Variants in GFRA3 observed in about 807,000 individuals in gnomAD.
The protein encoded by GFRA3 is GDNF family receptor alpha-3.
In GFRA3, 24 loss-of-function variants were observed where a neutral mutation model predicts 40.0. The observed-to-expected ratio is 0.60, with a 90% CI of 0.43 to 0.84. The LOEUF is 0.84. Ranked by LOEUF, GFRA3 falls within the 40% of genes least tolerant of loss-of-function variation. The pLI, the probability that GFRA3 is intolerant of heterozygous loss-of-function variation, is 0.00. For missense variants in GFRA3, 405 were observed against 530.6 expected, an observed-to-expected ratio of 0.76 and a Z score of 2.33; for synonymous variants, 203 against 213.5, an observed-to-expected ratio of 0.95 and a Z score of 0.43.
chr5:138,257,859 G>T lies in GFRA3; in HGVS notation c.565C>A (p.Pro189Thr), dbSNP rs1233530121. 1 of 1,613,908 alleles carries T rather than the reference G, an allele frequency of 6.2e-7. No homozygotes were observed. The highest frequency in any genetic ancestry group is 2.2e-5 in the East Asian group (1 of 44,884). Residue 189 changes from proline to threonine, a missense_variant, in exon 4 of 8, where the codon CCC becomes ACC. Coordinates refer to ENST00000274721, the MANE Select transcript of GFRA3 (RefSeq NM_001496.4). ...RKAYGEACSG[P>T]HCQRHVCLRQ... Reference sequence around the variant, plus strand: ...AGGCAGACGTGGCGCTGGCAGTGGGGCCCGGAGCACGCCTCCCCGTAGGCC... The same window carrying T: ...AGGCAGACGTGGCGCTGGCAGTGGGTCCCGGAGCACGCCTCCCCGTAGGCC...
intron 5 of GFRA3, 76 bp downstream of exon 5, chr5:138,253,981 C>T: frequency 6.4e-7 from 1 of 1,571,726 alleles, no homozygotes; most frequent in East Asian, 2.2e-5. Flanking sequence ...GTCAGGATCA[C>T]ATCCTTTATC....
intron 1 of GFRA3, among the ~76,000 whole-genome samples, chr5:138,272,486 T>C (rs1374110895): frequency 6.7e-6 from 1 of 148,322 alleles, no homozygotes; most frequent in African/African-American, 2.5e-5. Flanking sequence ...CTACAAAAAA[T>C]ACAAAAATTA....
At chr5:138,258,645 T>G (rs893828317) in intron 3 of GFRA3, among the ~76,000 whole-genome samples, 1 of 152,204 alleles carries the variant, frequency 6.6e-6, no homozygotes, top group African/African-American at 2.4e-5. Flanking sequence ...AATGATAACC[T>G]AGAGTACCTG....
At chr5:138,263,548 A>C (rs1037531107) in intron 2 of GFRA3, among the ~76,000 whole-genome samples, 1 of 152,164 alleles carries the variant, frequency 6.6e-6, no homozygotes, top group East Asian at 1.9e-4. Context: ...AGTGTATATA[A>C]GATTTGAGCA....
At chr5:138,271,372 T>C (rs909556273) in intron 1 of GFRA3, among the ~76,000 whole-genome samples, 1 of 152,152 alleles carries the variant, frequency 6.6e-6, no homozygotes, top group African/African-American at 2.4e-5. Context: ...CTTTACCAAG[T>C]TTGAGCAGTG....
At chr5:138,254,692 C>T (rs1755601261) in intron 4 of GFRA3, among the ~76,000 whole-genome samples, 3 of 152,132 alleles carry the variant, frequency 2.0e-5, no homozygotes, top group East Asian at 1.9e-4. Context: ...TTGGGCTCCA[C>T]GATCCCTACT....
chr5:138,253,514 C>G (rs1755581151), intron 6 of GFRA3, 139 bp from the exon 7 acceptor site: 4 of 698,604 alleles, frequency 5.7e-6, no homozygotes, highest in Non-Finnish European at 1.0e-5. Context: ...GGGATACTCT[C>G]TCATTCTGCT....
chr5:138,256,499 G>A (rs1271521546), intron 4 of GFRA3, among the ~76,000 whole-genome samples: 5 of 150,124 alleles, frequency 3.3e-5, no homozygotes, highest in African/African-American at 9.8e-5. Context: ...CTGCACTCCA[G>A]CCTGGATGAC....
chr5:138,269,644 C>G (rs1755838121), intron 1 of GFRA3, among the ~76,000 whole-genome samples: 1 of 151,582 alleles, frequency 6.6e-6, no homozygotes, highest in Non-Finnish European at 1.5e-5. Context: ...GAGATTGAGA[C>G]CATCCTGGCC....
intron 2 of GFRA3, among the ~76,000 whole-genome samples, chr5:138,262,745 C>T (rs530133419): frequency 2.6e-5 from 4 of 152,202 alleles, no homozygotes; most frequent in Admixed American, 2.0e-4. Flanking sequence ...TGAGCCACCA[C>T]ACTTAGATGC....
At chr5:138,262,183 G>A (rs1755720328) in intron 2 of GFRA3, among the ~76,000 whole-genome samples, 1 of 152,212 alleles carries the variant, frequency 6.6e-6, no homozygotes, top group South Asian at 2.1e-4. Flanking sequence ...GAAGCAGGCT[G>A]AGAATGCGGC....
At chr5:138,253,722 G>C in intron 6 of GFRA3, 44 bp downstream of exon 6, 2 of 1,588,946 alleles carry the variant, frequency 1.3e-6, no homozygotes, top group Non-Finnish European at 1.7e-6. Context: ...CTTGAGTCCA[G>C]CTGACTCAGC....
chr5:138,271,904 TTTTTTTTTTTG>T (rs1407290388), intron 1 of GFRA3, among the ~76,000 whole-genome samples: 15 of 121,700 alleles, frequency 1.2e-4, no homozygotes, highest in African/African-American at 4.8e-4. Flanking sequence ...TTTTTTTTTT[TTTTTTTTTTTG>T]TGTGTGTGTG....
intron 1 of GFRA3, among the ~76,000 whole-genome samples, chr5:138,272,654 C>T (rs1293892165): frequency 6.7e-6 from 1 of 149,274 alleles, no homozygotes; most frequent in Non-Finnish European, 1.5e-5. Context: ...AAAAAAAAAT[C>T]AGATTTCAAA....
At chr5:138,262,691 G>C (rs1408789860) in intron 2 of GFRA3, among the ~76,000 whole-genome samples, 2 of 151,286 alleles carry the variant, frequency 1.3e-5, no homozygotes, top group Non-Finnish European at 3.0e-5. Context: ...TGGGCTTTAG[G>C]GATACTCCCG....
intron 1 of GFRA3, among the ~76,000 whole-genome samples, chr5:138,265,253 G>A (rs1051521620): frequency 1.2e-5 from 1 of 86,002 alleles, no homozygotes; most frequent in African/African-American, 4.7e-5. Context: ...TTTCGCTCTT[G>A]TTACCCAGGT....
At chr5:138,261,781 A>G (rs1007921210) in intron 2 of GFRA3, among the ~76,000 whole-genome samples, 3 of 152,162 alleles carry the variant, frequency 2.0e-5, no homozygotes, top group African/African-American at 7.2e-5. Flanking sequence ...ACATAAAAAA[A>G]AATGCTTTGA....
chr5:138,266,754 A>G (rs1271931557), intron 1 of GFRA3, among the ~76,000 whole-genome samples: 10 of 151,556 alleles, frequency 6.6e-5, no homozygotes, highest in African/African-American at 2.4e-4. Flanking sequence ...GCTCACTGCA[A>G]CCTTGCAACC....
Position 138,274,449 on chromosome 5 carries a change from G to T in GFRA3, c.-25C>A. ...TGGCGAGCTGTAGGCGCCGGGCTCC[G>T]CGCTCCCCTCGCTCCTCCCCTGGAG... On this transcript the variant is annotated 5_prime_UTR_variant, in exon 1 of 8. Transcript: ENST00000274721. 1 of 1,287,702 alleles carries T rather than the reference G, an allele frequency of 7.8e-7. No individual in the cohort carries two copies. The highest frequency in any genetic ancestry group is 9.9e-7 in the Non-Finnish European group (1 of 1,013,972). The allele number at this position is 1,287,702 out of a possible 1,614,324, so 79.8% of individuals were successfully genotyped here.
Sources: gnomAD v4.1 joint callset for allele counts (sites outside exome capture counted in the v4.1 genomes callset) on GRCh38, gnomAD v4.1.1 for gene constraint, MANE v1.5 for transcripts, NCBI Gene and HGNC (gene_info 2026-07-23, HGNC 2026-07-21) for gene names.